Variants in VIT observed in about 807,000 individuals in gnomAD.
VIT encodes vitrin.
Under a neutral mutation model 78.0 loss-of-function variants are expected in VIT, and 99 were observed. That is an observed-to-expected ratio of 1.27 (90% confidence interval 1.08 to 1.50). The LOEUF is 1.50. Ranked by LOEUF, VIT falls within the 40% of genes most tolerant of loss-of-function variation. VIT has a pLI of 0.00. For synonymous variants in VIT, 374 were observed against 334.3 expected (o/e 1.12, Z -1.29); for missense variants, 1,126 against 875.3 (o/e 1.29, Z -3.61).
At chr2:36,709,215 T>G (rs1342202970) in intron 1 of VIT, among the ~76,000 whole-genome samples, 1 of 151,990 alleles carries the variant, frequency 6.6e-6, no homozygotes, top group East Asian at 1.9e-4. Flanking sequence ...GAAGATGGAG[T>G]AAGTGCACGT....
At chr2:36,775,576 C>T (rs906009661) in intron 9 of VIT, among the ~76,000 whole-genome samples, 2 of 152,216 alleles carry the variant, frequency 1.3e-5, no homozygotes, top group African/African-American at 4.8e-5. Flanking sequence ...TTACCATCCT[C>T]CAGTTCTATA....
rs1236802087 is a variant in VIT at position 36,767,288 on chromosome 2, C to A, written c.679+3C>A. 1.9e-6 allele frequency: 3 copies of A among 1,552,282 alleles called. No individual in the cohort carries two copies. Among genetic ancestry groups the A allele is most frequent in the South Asian group, 1.2e-5 (1 of 80,366 alleles). ...GGGCCACAGGAGCCAGGAGATGGGT[C>A]AGTAGGTAGACCATGTGTTGCTTTG... On this transcript the variant is annotated splice_donor_region_variant and intron_variant, in intron 7 of 15. Transcript: ENST00000379242.
chr2:36,713,589 C>G (rs372228397), intron 1 of VIT, among the ~76,000 whole-genome samples: 1 of 152,056 alleles, frequency 6.6e-6, no homozygotes, highest in African/African-American at 2.4e-5. Context: ...AGGGAACAGC[C>G]TAGTTATGAG....
intron 11 of VIT, among the ~76,000 whole-genome samples, chr2:36,785,740 A>G (rs1212340521): frequency 6.6e-6 from 1 of 152,236 alleles, no homozygotes; most frequent in Non-Finnish European, 1.5e-5. Flanking sequence ...GAAGTCAGCC[A>G]GTGCCAGACG....
chr2:36,729,803 T>G (rs1371138973), intron 3 of VIT, among the ~76,000 whole-genome samples: 1 of 152,294 alleles, frequency 6.6e-6, no homozygotes, highest in East Asian at 1.9e-4. Context: ...GACATTGAAA[T>G]GTTGTCTCAA....
At position 36,801,300 on chromosome 2, in the gene VIT, G is replaced by A. The variant is rs766419529; in HGVS notation, c.1059-1G>A. 2 of 1,613,474 alleles carry A rather than the reference G, an allele frequency of 1.2e-6. No homozygotes were observed. Among genetic ancestry groups the A allele is most frequent in the Non-Finnish European group, 1.7e-6 (2 of 1,179,612 alleles). On this transcript the variant is annotated splice_acceptor_variant, in intron 12 of 15. Coordinates refer to ENST00000379242, the MANE Select transcript of VIT (RefSeq NM_053276.4). LOFTEE classifies it high-confidence loss of function. ...TTGTATTTCTTGTTCTGACTCTTCA[G>A]AGACAACCCTGCTACTCACTTTAAC... is the stretch of plus-strand genomic sequence containing the variant.
chr2:36,700,554 C>G (rs1664987014), intron 1 of VIT, among the ~76,000 whole-genome samples: 1 of 152,058 alleles, frequency 6.6e-6, no homozygotes, highest in Non-Finnish European at 1.5e-5. Context: ...CCAGCCCAGG[C>G]AACATAGTGA....
At chr2:36,717,335 TGTG>T (rs1666217420) in intron 2 of VIT, among the ~76,000 whole-genome samples, 2 of 1,618 alleles carry the variant, frequency 1.2e-3, no homozygotes, top group African/African-American at 1.7e-3. Flanking sequence ...GCCTGGCTAA[TGTG>T]TGTGTGTGTG....
chr2:36,809,632 G>T (rs913152857), intron 15 of VIT, among the ~76,000 whole-genome samples: 1 of 152,080 alleles, frequency 6.6e-6, no homozygotes, highest in African/African-American at 2.4e-5. Flanking sequence ...TGGTCACGAT[G>T]GTCTCGAACT....
chr2:36,795,219 C>T (rs888238221), intron 12 of VIT, among the ~76,000 whole-genome samples: 1 of 152,112 alleles, frequency 6.6e-6, no homozygotes, highest in East Asian at 1.9e-4. Context: ...TATTTGTAAT[C>T]TCAAACTTGT....
intron 1 of VIT, among the ~76,000 whole-genome samples, chr2:36,710,573 C>T (rs1352871589): frequency 2.0e-5 from 3 of 151,920 alleles, no homozygotes; most frequent in Non-Finnish European, 4.4e-5. Context: ...TCCCCAGGCT[C>T]CTGGATACCA....
At chr2:36,739,113 TAA>T (rs1667678270) in intron 3 of VIT, among the ~76,000 whole-genome samples, 2 of 152,136 alleles carry the variant, frequency 1.3e-5, no homozygotes, top group Non-Finnish European at 2.9e-5. Flanking sequence ...GCAACAAAAT[TAA>T]GTTTAATATT....
chr2:36,754,099 T>G (rs1668627750), intron 4 of VIT, among the ~76,000 whole-genome samples: 1 of 152,188 alleles, frequency 6.6e-6, no homozygotes. Flanking sequence ...TTGAGTAGTA[T>G]TAGCACTTTC....
In VIT at chr2:36,781,710, T is replaced by A; in HGVS notation, c.803-17T>A. On this transcript the variant is annotated splice_polypyrimidine_tract_variant and intron_variant, in intron 9 of 15. Coordinates refer to ENST00000379242, the MANE Select transcript of VIT (RefSeq NM_053276.4). ...GTTTAAGTAACAAGTTTGTTTCTTT[T>A]CAATTTTGAAAATCAGGAGAGATGG... 2 of 1,614,148 alleles carry A rather than the reference T, an allele frequency of 1.2e-6. No individual in the cohort carries two copies.
At position 36,773,817 on chromosome 2, in the gene VIT, A is replaced by G; in HGVS notation, c.706A>G (p.Ser236Gly). Residue 236 changes from serine to glycine, a missense_variant, in exon 8 of 16, where the codon AGC (serine) becomes GGC (glycine). Ser to Gly is a moderately conservative substitution (Grantham distance 56). Transcript: ENST00000379242. ...MDLWSTATYT[S>G]SQNRPRADPG... ...TCTCTGGTCCACTGCCACCTACACA[A>G]GCAGCCAAAACAGGCCCAGAGCTGA... The G allele has an allele frequency of 6.2e-7, 1 of 1,605,266 alleles. No individual in the cohort carries two copies. Among genetic ancestry groups the G allele is most frequent in the Non-Finnish European group, 8.5e-7 (1 of 1,174,728 alleles).
intron 6 of VIT, among the ~76,000 whole-genome samples, chr2:36,763,682 C>T (rs1487469237): frequency 2.0e-5 from 3 of 148,320 alleles, no homozygotes; most frequent in Non-Finnish European, 3.0e-5. Context: ...CTCCGCCTCC[C>T]GGGTTCAAGC....
At position 36,763,015 on chromosome 2, in the gene VIT, T is replaced by TA. The variant is rs71732843; in HGVS notation, c.487+3977dup. Among the ~76,000 whole-genome samples the TA allele has an allele frequency of 8.4e-4, 128 of 151,960 alleles. 1 individual carries two copies. The highest frequency in any genetic ancestry group is 2.7e-3 in the African/African-American group (111 of 41,466). On this transcript the variant is annotated intron_variant, in intron 6 of 15. Coordinates refer to ENST00000379242, the MANE Select transcript of VIT (RefSeq NM_053276.4). ...AAGTGTTGCTTTGTAGAAGTTTTTT[T>TA]AAAAAAAACTAGGAAGGCACATTCC...
At chr2:36,730,757 G>A (rs548359441) in intron 3 of VIT, among the ~76,000 whole-genome samples, 3 of 152,320 alleles carry the variant, frequency 2.0e-5, no homozygotes, top group South Asian at 2.1e-4. Flanking sequence ...GAATTTTATC[G>A]AGTGAGGGAA....
At chr2:36,773,285 C>T (rs1669861974) in intron 7 of VIT, among the ~76,000 whole-genome samples, 1 of 150,754 alleles carries the variant, frequency 6.6e-6, no homozygotes, top group Non-Finnish European at 1.5e-5. Flanking sequence ...TTATTATTAC[C>T]TGTAGTTTTT....
Sources: allele counts gnomAD v4.1 joint callset (sites outside exome capture counted in the v4.1 genomes callset), GRCh38; gene constraint gnomAD v4.1.1; transcripts MANE v1.5; gene names NCBI Gene and HGNC (gene_info 2026-07-23, HGNC 2026-07-21).